Variants in SUPT3H observed in about 807,000 individuals in gnomAD.
The protein encoded by SUPT3H is SPT3 homolog, SAGA and STAGA complex component.
SUPT3H carries 44 observed loss-of-function variants against 44.3 expected under a neutral mutation model. That is an observed-to-expected ratio of 0.99 (90% CI 0.78 to 1.28). The LOEUF is 1.28. SUPT3H is among the 50% of genes most tolerant of loss of function. The pLI is 0.00. For synonymous variants in SUPT3H, 124 were observed against 125.6 expected, an observed-to-expected ratio of 0.99 and a Z score of 0.09; for missense variants, 380 against 387.1, an observed-to-expected ratio of 0.98 and a Z score of 0.15.
chr6:45,127,901 T>C (rs1321760595), intron 2 of SUPT3H, among the ~76,000 whole-genome samples: 1 of 152,220 alleles, frequency 6.6e-6, no homozygotes, highest in East Asian at 1.9e-4. Flanking sequence ...AGGTTGTGTT[T>C]ACTATCATAG....
intron 2 of SUPT3H, among the ~76,000 whole-genome samples, chr6:45,259,852 T>C (rs929692146): frequency 6.6e-6 from 1 of 152,162 alleles, no homozygotes; most frequent in Non-Finnish European, 1.5e-5. Context: ...TTGCAGTTAA[T>C]CTGATGGAAA....
chr6:44,848,894 C>G (rs1772365365), intron 10 of SUPT3H, among the ~76,000 whole-genome samples: 1 of 152,180 alleles, frequency 6.6e-6, no homozygotes, highest in Admixed American at 6.5e-5. Context: ...CTACTTCATT[C>G]CCCCCAACCT....
intron 3 of SUPT3H, among the ~76,000 whole-genome samples, chr6:45,021,303 A>T (rs1785101357): frequency 6.6e-6 from 1 of 152,086 alleles, no homozygotes; most frequent in South Asian, 2.1e-4. Context: ...CCTTATATCT[A>T]CAAAGTCAAG....
intron 10 of SUPT3H, among the ~76,000 whole-genome samples, chr6:44,830,859 C>G (rs1424166968): frequency 6.6e-6 from 1 of 151,792 alleles, no homozygotes; most frequent in Non-Finnish European, 1.5e-5. Flanking sequence ...TACTTCCAGC[C>G]CAATGAATTA....
intron 2 of SUPT3H, among the ~76,000 whole-genome samples, chr6:45,273,536 T>G (rs1290453650): frequency 6.6e-6 from 1 of 152,202 alleles, no homozygotes; most frequent in Non-Finnish European, 1.5e-5. Flanking sequence ...TATAACAAGT[T>G]AGTAAGAGTT....
chr6:45,071,560 A>T (rs995119814), intron 3 of SUPT3H, among the ~76,000 whole-genome samples: 1 of 152,152 alleles, frequency 6.6e-6, no homozygotes, highest in African/African-American at 2.4e-5. Context: ...TTATATGTTC[A>T]CATGTCACCC....
At chr6:44,979,972 G>A (rs1054245473) in intron 6 of SUPT3H, among the ~76,000 whole-genome samples, 15 of 152,164 alleles carry the variant, frequency 9.9e-5, no homozygotes, top group Admixed American at 2.6e-4. Flanking sequence ...GCTCATTCAC[G>A]TTTTATTAGT....
At chr6:45,206,855 G>A (rs1419508368) in intron 2 of SUPT3H, among the ~76,000 whole-genome samples, 3 of 152,072 alleles carry the variant, frequency 2.0e-5, no homozygotes, top group African/African-American at 7.2e-5. Context: ...GGAATATAAG[G>A]ACCTGGTTTT....
Position 45,062,419 on chromosome 6 carries a change from G to A in SUPT3H, c.187-41787C>T, listed in dbSNP as rs112805148. ...GACACACTAAATGGAGCATCAAAGC[G>A]GATCAGCCTTCTAAAGAGTACACTG... is the stretch of plus-strand genomic sequence containing the variant. On this transcript the variant is annotated intron_variant, in intron 3 of 10. Coordinates refer to ENST00000371459, the MANE Select transcript of SUPT3H (RefSeq NM_003599.4). 5.9e-5 allele frequency among the ~76,000 whole-genome samples: 9 copies of A among 152,240 alleles called. No individual in the cohort carries two copies. The East Asian group carries it at 9.7e-4, about 16-fold the overall frequency.
At chr6:44,920,730 A>T (rs1412590934) in intron 10 of SUPT3H, among the ~76,000 whole-genome samples, 3 of 152,178 alleles carry the variant, frequency 2.0e-5, no homozygotes, top group Non-Finnish European at 4.4e-5. Flanking sequence ...ACTGGCTCGC[A>T]ATTAAAAGTC....
At chr6:45,281,263 G>A (rs552293552) in intron 2 of SUPT3H, among the ~76,000 whole-genome samples, 8 of 152,270 alleles carry the variant, frequency 5.3e-5, no homozygotes, top group South Asian at 2.1e-4. Flanking sequence ...TGGGTGCAGC[G>A]CACCAAGCAT....
chr6:45,186,207 T>A (rs1389554093), intron 2 of SUPT3H, among the ~76,000 whole-genome samples: 1 of 152,140 alleles, frequency 6.6e-6, no homozygotes, highest in Non-Finnish European at 1.5e-5. Flanking sequence ...CTAGCCCTCA[T>A]GTTACACTTC....
chr6:44,895,693 G>C (rs574965180), intron 10 of SUPT3H, among the ~76,000 whole-genome samples: 1 of 152,158 alleles, frequency 6.6e-6, no homozygotes, highest in African/African-American at 2.4e-5. Flanking sequence ...TGAAGGGAAT[G>C]GGATTTTACT....
At chr6:44,881,983 A>G (rs1344815284) in intron 10 of SUPT3H, among the ~76,000 whole-genome samples, 4 of 152,170 alleles carry the variant, frequency 2.6e-5, no homozygotes, top group Non-Finnish European at 5.9e-5. Flanking sequence ...AGAACTAGAG[A>G]AGCAAGAGCA....
chr6:45,231,154 T>C (rs140572552), intron 2 of SUPT3H, among the ~76,000 whole-genome samples: 1 of 152,274 alleles, frequency 6.6e-6, no homozygotes, highest in African/African-American at 2.4e-5. Flanking sequence ...TTGAGTCTTT[T>C]TTTCTTCCTC....
intron 2 of SUPT3H, among the ~76,000 whole-genome samples, chr6:45,162,402 T>C (rs918392361): frequency 6.6e-6 from 1 of 152,074 alleles, no homozygotes; most frequent in East Asian, 1.9e-4. Context: ...TGTGCACCTA[T>C]AGTCCCAGCT....
chr6:44,998,288 ATTTC>A (rs201890283), intron 6 of SUPT3H, among the ~76,000 whole-genome samples: 2,481 of 152,002 alleles, frequency 0.016, 28 homozygotes, highest in Non-Finnish European at 0.025. Flanking sequence ...AAAATTTGTC[ATTTC>A]TTTGAGTTAC....
chr6:45,082,770 C>T (rs1276419001), intron 3 of SUPT3H, among the ~76,000 whole-genome samples: 1 of 152,066 alleles, frequency 6.6e-6, no homozygotes, highest in Admixed American at 6.5e-5. Context: ...GAAGTCCTAA[C>T]CAGAGCAATC....
rs1013903778 is a variant in SUPT3H, at chr6:45,020,883, G to A, written c.187-251C>T. On this transcript the variant is annotated intron_variant, in intron 3 of 10. Transcript: ENST00000371459. ...AATCTTTTATTTCTTTCTTGCAAAA[G>A]AAAAATCATACACAGCTTCCAGAAA... 5.0e-4 allele frequency among the ~76,000 whole-genome samples: 76 copies of A among 151,782 alleles called. 2 individuals are homozygous for A. Among genetic ancestry groups the A allele is most frequent in the Non-Finnish European group, 1.5e-5 (1 of 67,842 alleles).
Sources: gnomAD v4.1 joint callset for allele counts (sites outside exome capture counted in the v4.1 genomes callset) on GRCh38, gnomAD v4.1.1 for gene constraint, MANE v1.5 for transcripts, NCBI Gene and HGNC (gene_info 2026-07-23, HGNC 2026-07-21) for gene names.